Variants in CFAP54 observed in about 807,000 individuals in gnomAD.
CFAP54 encodes cilia and flagella associated protein 54.
A neutral mutation model predicts 370.4 loss-of-function variants in CFAP54; 290 were observed. The ratio of observed to expected loss-of-function variants is 0.78; its 90% CI spans 0.71 to 0.86. The LOEUF (loss-of-function observed/expected upper bound fraction) is 0.86. Ranked by LOEUF, CFAP54 falls within the 40% of genes least tolerant of loss-of-function variation. The probability of loss-of-function intolerance (pLI) is 0.00; values close to 1 mark genes in which losing one functional copy is unlikely to be tolerated. For missense variants in CFAP54, 3,399 were observed against 3,528.7 expected, an observed-to-expected ratio of 0.96 and a Z score of 0.93; for synonymous variants, 1,206 against 1,236.5, an observed-to-expected ratio of 0.98 and a Z score of 0.52.
rs1349225800 is a variant in CFAP54, at chr12:96,509,089, T to C, written c.739+1990T>C. 3.3e-5 allele frequency among the ~76,000 whole-genome samples: 5 copies of C among 152,236 alleles called. No homozygotes were observed. In the East Asian group the frequency reaches 9.6e-4, roughly 29 times the overall value. On this transcript the variant is annotated intron_variant, in intron 4 of 67. Transcript: ENST00000524981. ...GTGCTAGGGACACAGGAGTGGACAGTAGACAAAAACCACATTCTCATGCTG... is the reference window on the plus strand; with the variant it reads ...GTGCTAGGGACACAGGAGTGGACAGCAGACAAAAACCACATTCTCATGCTG...
chr12:96,686,785 T>C (rs941302545), intron 42 of CFAP54, among the ~76,000 whole-genome samples: 1 of 152,168 alleles, frequency 6.6e-6, no homozygotes, highest in Non-Finnish European at 1.5e-5. Context: ...ATTCAAACTA[T>C]ATCACTAAGA....
intron 41 of CFAP54, 58 bp downstream of exon 41, chr12:96,684,793 G>A: frequency 7.1e-7 from 1 of 1,401,958 alleles, no homozygotes; most frequent in Non-Finnish European, 9.9e-7. Context: ...CTTGTTTGAA[G>A]AAGTTTTTAA....
Position 96,489,710 on chromosome 12 carries a change from C to T in CFAP54, c.101C>T (p.Ser34Leu). The change falls in exon 1 of 68, where the codon TCG becomes TTG. Residue 34 changes from serine (S) to leucine (L), a missense_variant. Around this residue, in one of 3 missense-constraint regions of CFAP54, gnomAD observed 559 missense variants for 576.7 expected, o/e 0.97. Coordinates refer to ENST00000524981, the MANE Select transcript of CFAP54 (RefSeq NM_001306084.2). ...CCGACCTCCACCGCGACTTCGAGGTCGCCCCCAGAGTCGAAGGGGAGCTCC... is the reference window on the plus strand; with the variant it reads ...CCGACCTCCACCGCGACTTCGAGGTTGCCCCCAGAGTCGAAGGGGAGCTCC... ...LPPTSTATSR[S>L]PPESKGSSRS... 3.3e-6 allele frequency: 5 copies of T among 1,536,042 alleles called. No homozygotes were observed. Among genetic ancestry groups the T allele is most frequent in the Non-Finnish European group, 4.4e-6 (5 of 1,146,864 alleles).
At chr12:96,513,355 A>G (rs1955194767) in intron 5 of CFAP54, among the ~76,000 whole-genome samples, 2 of 152,168 alleles carry the variant, frequency 1.3e-5, no homozygotes, top group African/African-American at 2.4e-5. Context: ...AGCTTTAGGT[A>G]GGGTGACCAT....
chr12:96,747,036 T>A (rs1474563726), intron 55 of CFAP54, among the ~76,000 whole-genome samples: 2 of 152,218 alleles, frequency 1.3e-5, no homozygotes, highest in African/African-American at 4.8e-5. Context: ...TAAGGACAAT[T>A]TACTTGCTTG....
intron 60 of CFAP54, among the ~76,000 whole-genome samples, chr12:96,770,171 G>C (rs1958446555): frequency 6.9e-6 from 1 of 144,258 alleles, no homozygotes; most frequent in Non-Finnish European, 1.5e-5. Flanking sequence ...AAAATCATCT[G>C]TGGTAGTGAA....
chr12:96,538,327 G>A (rs960633733), intron 12 of CFAP54, 57 bp from the exon 13 acceptor site: 4 of 1,383,814 alleles, frequency 2.9e-6, no homozygotes, highest in Admixed American at 2.1e-5. Context: ...CACAGTAAAT[G>A]TTATATACAT....
At chr12:96,758,227 G>A (rs1047208573) in intron 58 of CFAP54, among the ~76,000 whole-genome samples, 1 of 152,078 alleles carries the variant, frequency 6.6e-6, no homozygotes, top group African/African-American at 2.4e-5. Context: ...AGAAGGAGGG[G>A]AAGGGCATGT....
At chr12:96,541,413 G>A (rs960366596) in intron 14 of CFAP54, among the ~76,000 whole-genome samples, 2 of 151,762 alleles carry the variant, frequency 1.3e-5, no homozygotes, top group Admixed American at 1.3e-4. Flanking sequence ...AGCCTCCCGA[G>A]TAGCTGGGAT....
intron 24 of CFAP54, among the ~76,000 whole-genome samples, chr12:96,593,552 G>A (rs373776247): frequency 1.1e-4 from 17 of 152,118 alleles, no homozygotes; most frequent in African/African-American, 2.4e-4. Flanking sequence ...TTCTTTCAGC[G>A]TATTCAATCT....
Position 96,831,506 on chromosome 12 carries a change from T to A in CFAP54, c.9171+2418T>A, listed in dbSNP as rs117718852. Reference sequence around the variant, plus strand: ...TAATTTTGGCAGAGACTGTATGGCCTACAAAGCCTAACTTATTTATTACGT... The same window carrying A: ...TAATTTTGGCAGAGACTGTATGGCCAACAAAGCCTAACTTATTTATTACGT... On this transcript the variant is annotated intron_variant, in intron 66 of 67. Coordinates refer to ENST00000524981, the MANE Select transcript of CFAP54 (RefSeq NM_001306084.2). Among the ~76,000 whole-genome samples, 1,471 of 152,336 alleles carry A rather than the reference T, an allele frequency of 9.7e-3. 14 individuals carry two copies. Among genetic ancestry groups the A allele is most frequent in the Non-Finnish European group, 0.016 (1,060 of 68,030 alleles).
At chr12:96,490,884 A>G (rs10860045) in intron 1 of CFAP54, among the ~76,000 whole-genome samples, 56,430 of 151,822 alleles carry the variant, frequency 0.37, 10,839 homozygotes, top group East Asian at 0.64. Flanking sequence ...CTAAACAAAT[A>G]TGTAAGTAAA....
intron 59 of CFAP54, 52 bp downstream of exon 59, chr12:96,764,301 C>A: frequency 1.4e-6 from 2 of 1,382,578 alleles, no homozygotes; most frequent in South Asian, 2.5e-5. Flanking sequence ...TCTGTATTCT[C>A]TGCCTTTAAA....
In CFAP54 at chr12:96,730,606, T is replaced by C. The variant is rs188600092; in HGVS notation, c.6966-9350T>C. 7.7e-4 allele frequency among the ~76,000 whole-genome samples: 117 copies of C among 152,282 alleles called. No homozygotes were observed. The East Asian group carries it at 0.022, about 29-fold the overall frequency. ...AAATGATCAAGTTAGATGAAAAATA[T>C]TTTTTTCTCTCCTTATTTTTTTCAT... is the stretch of plus-strand genomic sequence containing the variant. On this transcript the variant is annotated intron_variant, in intron 50 of 67. Transcript: ENST00000524981.
At position 96,533,991 on chromosome 12, in the gene CFAP54, A is replaced by G. The variant is rs750582833; in HGVS notation, c.1539+18A>G. 4.1e-6 allele frequency: 6 copies of G among 1,480,536 alleles called. No individual in the cohort carries two copies. In the South Asian group the frequency reaches 7.8e-5, roughly 19 times the overall value. 91.7% of individuals were successfully genotyped at this position (1,480,536 alleles called of 1,614,324 possible). On this transcript the variant is annotated intron_variant, in intron 10 of 67. Coordinates refer to ENST00000524981, the MANE Select transcript of CFAP54 (RefSeq NM_001306084.2). ...TTCTCCAGGTAATATATGCAAAATTATCCTCCTGGTTTTTTTTTTGTTAAA... is the reference window on the plus strand; with the variant it reads ...TTCTCCAGGTAATATATGCAAAATTGTCCTCCTGGTTTTTTTTTTGTTAAA...
intron 25 of CFAP54, among the ~76,000 whole-genome samples, chr12:96,594,845 G>A (rs1355449291): frequency 1.3e-5 from 2 of 152,118 alleles, no homozygotes; most frequent in African/African-American, 2.4e-5. Context: ...CTTGGTGATG[G>A]AGGAGTTAGG....
intron 60 of CFAP54, among the ~76,000 whole-genome samples, chr12:96,781,357 A>G (rs987761410): frequency 6.6e-6 from 1 of 152,196 alleles, no homozygotes; most frequent in African/African-American, 2.4e-5. Context: ...GACTGGCGTG[A>G]GTAAAAACAA....
intron 46 of CFAP54, among the ~76,000 whole-genome samples, chr12:96,703,714 T>A (rs947081743): frequency 4.6e-5 from 7 of 152,376 alleles, no homozygotes; most frequent in Middle Eastern, 3.4e-3. Flanking sequence ...AATACAATTT[T>A]ATCTCAAACT....
At chr12:96,743,310 C>T in intron 52 of CFAP54, 92 bp from the exon 53 acceptor site, 1 of 1,261,532 alleles carries the variant, frequency 7.9e-7, no homozygotes, top group Non-Finnish European at 1.1e-6. Context: ...TGATATTACA[C>T]AATATTTCTG....
Sources: gnomAD v4.1 joint callset for allele counts (sites outside exome capture counted in the v4.1 genomes callset) on GRCh38, gnomAD v4.1.1 for gene constraint, gnomAD v4.1.1 regional missense constraint, MANE v1.5 for transcripts, NCBI Gene and HGNC (gene_info 2026-07-23, HGNC 2026-07-21) for gene names.